Variants in NEK11 observed in about 807,000 individuals in gnomAD.
The protein encoded by NEK11 is NIMA related kinase 11.
A neutral mutation model predicts 80.7 loss-of-function variants in NEK11; 72 were observed. The ratio of observed to expected loss-of-function variants is 0.89; its 90% CI spans 0.74 to 1.08. NEK11 has a LOEUF of 1.08. Among genes scored for constraint, NEK11 ranks in the 50% least tolerant of loss-of-function variants. The pLI is 0.00. For missense variants in NEK11, 764 were observed against 763.6 expected, an observed-to-expected ratio of 1.00 and a Z score of -0.01; for synonymous variants, 251 against 260.7, an observed-to-expected ratio of 0.96 and a Z score of 0.36.
intron 4 of NEK11, among the ~76,000 whole-genome samples, chr3:131,086,907 CTT>C (rs2076052119): frequency 6.6e-6 from 1 of 152,052 alleles, no homozygotes; most frequent in African/African-American, 2.4e-5. Flanking sequence ...AGTGTGTAGA[CTT>C]TGGCATCTCC....
chr3:131,342,697 G>A (rs543060054), intron 17 of NEK11, among the ~76,000 whole-genome samples: 6 of 151,982 alleles, frequency 3.9e-5, no homozygotes, highest in South Asian at 2.1e-4. Flanking sequence ...CAACAATAAC[G>A]TACATGATAG....
chr3:131,274,306 G>T (rs1432152809), intron 17 of NEK11, among the ~76,000 whole-genome samples: 1 of 147,034 alleles, frequency 6.8e-6, no homozygotes, highest in African/African-American at 2.6e-5. Context: ...TTTTATGGCT[G>T]CATAGTATTC....
At chr3:131,226,189 G>T (rs1309448771) in intron 14 of NEK11, among the ~76,000 whole-genome samples, 1 of 152,128 alleles carries the variant, frequency 6.6e-6, no homozygotes, top group Non-Finnish European at 1.5e-5. Flanking sequence ...GACATCATAT[G>T]GTTCTGTCTT....
At chr3:131,292,206 A>G (rs1192417305) in intron 17 of NEK11, among the ~76,000 whole-genome samples, 1 of 152,154 alleles carries the variant, frequency 6.6e-6, no homozygotes, top group African/African-American at 2.4e-5. Flanking sequence ...GCCTTTTGTT[A>G]TCTGTCAAAG....
chr3:131,048,203 C>G (rs1265290994), intron 3 of NEK11, among the ~76,000 whole-genome samples: 1 of 152,206 alleles, frequency 6.6e-6, no homozygotes, highest in Non-Finnish European at 1.5e-5. Flanking sequence ...CCACCAGCCT[C>G]CCCGCTGAGA....
rs182619919 is a variant in NEK11, at chr3:131,248,680, G to A, written c.1621+5184G>A. 1.5e-3 allele frequency among the ~76,000 whole-genome samples: 222 copies of A among 152,166 alleles called. 4 individuals are homozygous for A. The highest frequency in any genetic ancestry group is 0.014 in the Admixed American group (214 of 15,268). On this transcript the variant is annotated intron_variant, in intron 16 of 17. Transcript: ENST00000383366. ...ACTCACAGTTCTCAGTCAGTTGTTG[G>A]CATGCAGGCTGTCTACCCATCCTCT...
At chr3:131,272,281 A>G (rs1308721402) in intron 16 of NEK11, among the ~76,000 whole-genome samples, 1 of 152,002 alleles carries the variant, frequency 6.6e-6, no homozygotes, top group Non-Finnish European at 1.5e-5. Flanking sequence ...TAATTTATAA[A>G]TGATCATTGG....
At position 131,228,597 on chromosome 3, in the gene NEK11, G is replaced by T. The variant is rs1343721530; in HGVS notation, c.1469G>T (p.Ser490Ile). The change falls in exon 15 of 18, where the codon AGT becomes ATT. Residue 490 changes from serine (S) to isoleucine (I), a missense_variant. Ser to Ile is a moderately radical substitution (Grantham distance 142, BLOSUM62 -2). Transcript: ENST00000383366. ...ADAFDSYCEE[S>I]DEEEEEIALE... Reference sequence around the variant, plus strand: ...GCATTTGATTCCTATTGTGAAGAGAGTGATGAGGAGGAAGAAGAAATAGCG... The same window carrying T: ...GCATTTGATTCCTATTGTGAAGAGATTGATGAGGAGGAAGAAGAAATAGCG... The T allele has an allele frequency of 6.2e-7, 1 of 1,613,634 alleles. No individual in the cohort carries two copies. Among genetic ancestry groups the T allele is most frequent in the East Asian group, 2.2e-5 (1 of 44,868 alleles).
chr3:131,269,120 A>G (rs894414645), intron 16 of NEK11, among the ~76,000 whole-genome samples: 7 of 152,200 alleles, frequency 4.6e-5, no homozygotes, highest in African/African-American at 1.4e-4. Flanking sequence ...CCCTCCCCCC[A>G]CCAAGCTTGA....
intron 3 of NEK11, among the ~76,000 whole-genome samples, chr3:131,077,028 C>T (rs1032494309): frequency 1.3e-5 from 2 of 152,144 alleles, no homozygotes; most frequent in Non-Finnish European, 2.9e-5. Context: ...AAAAGGTAGG[C>T]CAATTTCAAG....
chr3:131,310,153 C>T (rs551151352), intron 17 of NEK11, among the ~76,000 whole-genome samples: 4 of 152,084 alleles, frequency 2.6e-5, no homozygotes, highest in African/African-American at 7.2e-5. Flanking sequence ...CAATAAATAG[C>T]TGTTGGGTGA....
chr3:131,030,175 G>A (rs933501474), intron 3 of NEK11, among the ~76,000 whole-genome samples: 3 of 151,950 alleles, frequency 2.0e-5, no homozygotes, highest in African/African-American at 7.3e-5. Context: ...GGAGGTGGAG[G>A]TTGCAGTGAG....
intron 17 of NEK11, chr3:131,330,140 G>A (rs2097051576): frequency 6.6e-6 from 1 of 152,198 alleles, no homozygotes; most frequent in South Asian, 2.1e-4. Flanking sequence ...TAATTGATCT[G>A]ATTATGAAAG....
chr3:131,037,632 C>T (rs1467570003), intron 3 of NEK11, among the ~76,000 whole-genome samples: 1 of 152,198 alleles, frequency 6.6e-6, no homozygotes, highest in Non-Finnish European at 1.5e-5. Flanking sequence ...ATTAAAAATA[C>T]ACTTTCAATA....
chr3:131,212,876 G>A (rs1011637778), intron 14 of NEK11, among the ~76,000 whole-genome samples: 1 of 152,168 alleles, frequency 6.6e-6, no homozygotes, highest in African/African-American at 2.4e-5. Flanking sequence ...TGCTGTGAAG[G>A]TGTTTTTAAG....
intron 7 of NEK11, among the ~76,000 whole-genome samples, chr3:131,135,014 A>G (rs1481453387): frequency 2.0e-5 from 3 of 152,214 alleles, no homozygotes; most frequent in Non-Finnish European, 4.4e-5. Flanking sequence ...AATAGTTCTG[A>G]GCTTTCAAAG....
chr3:131,163,220 G>A (rs2091851894), intron 11 of NEK11, among the ~76,000 whole-genome samples: 1 of 152,078 alleles, frequency 6.6e-6, no homozygotes, highest in African/African-American at 2.4e-5. Flanking sequence ...CATATGATCT[G>A]GCAATCCTAC....
chr3:131,178,234 C>T (rs775204372), intron 14 of NEK11, among the ~76,000 whole-genome samples: 19 of 152,162 alleles, frequency 1.2e-4, no homozygotes, highest in Non-Finnish European at 2.4e-4. Context: ...CTGTTTACTA[C>T]TGTAGACTTT....
intron 5 of NEK11, among the ~76,000 whole-genome samples, chr3:131,127,029 G>A (rs1276711881): frequency 1.4e-5 from 2 of 141,324 alleles, no homozygotes; most frequent in African/African-American, 2.7e-5. Flanking sequence ...ACAGTGGCGC[G>A]ATCCTGGCTC....
Sources: gnomAD v4.1 joint callset for allele counts (sites outside exome capture counted in the v4.1 genomes callset) on GRCh38, gnomAD v4.1.1 for gene constraint, MANE v1.5 for transcripts, NCBI Gene and HGNC (gene_info 2026-07-23, HGNC 2026-07-21) for gene names.